EED: variants seen among roughly 807,000 people sequenced by gnomAD.
EED encodes embryonic ectoderm development, also known as polycomb protein EED.
EED carries 9 observed loss-of-function variants against 61.0 expected under a neutral mutation model. That is an observed-to-expected ratio of 0.15 (90% CI 0.09 to 0.26). EED has a LOEUF of 0.26. Among genes scored for constraint, EED ranks in the 10% least tolerant of loss-of-function variants. EED has a pLI of 1.00. For missense variants in EED, 315 were observed against 542.3 expected (o/e 0.58, Z 4.16); for synonymous variants, 187 against 174.4 (o/e 1.07, Z -0.57).
chr11:86,252,578 G>A lies in EED; in HGVS notation c.360+338G>A, dbSNP rs144905334. On this transcript the variant is annotated intron_variant, in intron 3 of 11. Transcript: ENST00000263360. The stretch of plus-strand genomic sequence containing the variant: ...TTTTGGTATTTATCATTCAAATAGC[G>A]TAAGAACTGGCTGTGATTTTTTTAA... Among the ~76,000 whole-genome samples, 1,240 of 149,400 alleles carry A rather than the reference G, an allele frequency of 8.3e-3. 10 individuals are homozygous for A. Among genetic ancestry groups the A allele is most frequent in the South Asian group, 0.015 (72 of 4,744 alleles).
chr11:86,257,465 A>T (rs546469534), intron 5 of EED, 50 bp from the exon 6 acceptor site: 3 of 1,463,828 alleles, frequency 2.0e-6, no homozygotes, highest in Admixed American at 2.1e-5. Flanking sequence ...ATGAAAAAAA[A>T]TTTACTGATT....
At chr11:86,261,946 T>C (rs917837732) in intron 6 of EED, among the ~76,000 whole-genome samples, 1 of 152,228 alleles carries the variant, frequency 6.6e-6, no homozygotes, top group Non-Finnish European at 1.5e-5. Context: ...CATTATCCCA[T>C]TGTCTTGGTG....
intron 10 of EED, 65 bp downstream of exon 10, chr11:86,277,203 T>C: frequency 1.4e-6 from 2 of 1,429,958 alleles, no homozygotes; most frequent in Non-Finnish European, 1.9e-6. Context: ...ATTCTAGCTT[T>C]TTCTGTTGTG....
At chr11:86,263,518 ATTTCT>A (rs1182215376) in intron 6 of EED, among the ~76,000 whole-genome samples, 1 of 152,126 alleles carries the variant, frequency 6.6e-6, no homozygotes, top group African/African-American at 2.4e-5. Flanking sequence ...GGATTAATTA[ATTTCT>A]TTTCTATTGC....
In EED at chr11:86,277,812, G is replaced by A. The variant is rs1946267230; in HGVS notation, c.1126-106G>A. 5.3e-5 allele frequency: 58 copies of A among 1,101,982 alleles called. No individual in the cohort carries two copies. In the South Asian group the frequency reaches 1.2e-3, roughly 23 times the overall value. The allele number at this position is 1,101,982 out of a possible 1,614,324, so 68.3% of individuals were successfully genotyped here. On this transcript the variant is annotated intron_variant, in intron 10 of 11. Transcript: ENST00000263360. ...AGAAATAGCCAAGAGCACAGAGGCT[G>A]GAACTGAGCTTTTTCTGAAACAAGA...
Position 86,277,927 on chromosome 11 carries a change from T to C in EED, c.1135T>C (p.Leu379=). ...AAATATGTTTATACAGATGCTTGCA[T>C]TGGGCAATCAAGTTGGCAAACTTTA... ...SMDFWQKMLA[L]GNQVGKLYVW... is the part of the protein sequence containing the mutation. The change falls in exon 11 of 12, where the codon TTG becomes CTG. Residue 379 remains leucine (L), a synonymous_variant. Transcript: ENST00000263360. 3.2e-6 allele frequency: 5 copies of C among 1,546,204 alleles called. No individual in the cohort carries two copies. The highest frequency in any genetic ancestry group is 1.3e-5 in the South Asian group (1 of 78,044).
chr11:86,273,201 G>A (rs953962973), intron 9 of EED, among the ~76,000 whole-genome samples: 3 of 152,228 alleles, frequency 2.0e-5, no homozygotes, highest in Admixed American at 2.0e-4. Context: ...TTTCTTTAAT[G>A]TGTGGAGGTG....
At chr11:86,286,481 T>G in the EED span, among the ~76,000 whole-genome samples, 1 of 152,294 alleles carries the variant, frequency 6.6e-6, no homozygotes, top group East Asian at 1.9e-4. Context: ...ACTTTAAAAT[T>G]ATCTTTAAGC....
downstream of EED, among the ~76,000 whole-genome samples, chr11:86,280,783 T>C (rs1051929235): frequency 2.6e-5 from 4 of 152,240 alleles, no homozygotes; most frequent in Non-Finnish European, 4.4e-5. Flanking sequence ...CACTAATGAG[T>C]ATGATGTTAG....
In EED at chr11:86,245,143, G is replaced by C; in HGVS notation, c.-87G>C. On this transcript the variant is annotated 5_prime_UTR_variant, in exon 1 of 12. Transcript: ENST00000263360. ...AGGTGGCGGCGGCAGCGGCAACTTT[G>C]CGGCAAGCTCGGGCCGGGCTTGCTT... 9.0e-7 allele frequency: 1 copy of C among 1,107,274 alleles called. No individual in the cohort carries two copies. The allele number at this position is 1,107,274 out of a possible 1,614,324, so 68.6% of individuals were successfully genotyped here.
At chr11:86,258,382 A>G (rs1945729978) in intron 6 of EED, among the ~76,000 whole-genome samples, 1 of 152,158 alleles carries the variant, frequency 6.6e-6, no homozygotes, top group South Asian at 2.1e-4. Flanking sequence ...TATTCCCATA[A>G]AGGGAAAGCA....
intron 3 of EED, among the ~76,000 whole-genome samples, chr11:86,254,272 A>G (rs187045907): frequency 2.8e-4 from 42 of 151,314 alleles, no homozygotes; most frequent in African/African-American, 9.9e-4. Flanking sequence ...ATATGTAAAT[A>G]CTCCAAAACT....
downstream of EED, among the ~76,000 whole-genome samples, chr11:86,282,793 A>AG (rs1487620402): frequency 6.6e-6 from 1 of 152,192 alleles, no homozygotes; most frequent in Non-Finnish European, 1.5e-5. Flanking sequence ...AAGCAGCCGT[A>AG]GACAACTGGG....
At chr11:86,279,967 A>G (rs1171889079), downstream of EED, among the ~76,000 whole-genome samples, 2 of 152,362 alleles carry the variant, frequency 1.3e-5, no homozygotes, top group East Asian at 3.9e-4. Flanking sequence ...GAGATTGCCT[A>G]GGTTCTTGTT....
At chr11:86,261,221 G>A (rs895814530) in intron 6 of EED, among the ~76,000 whole-genome samples, 1 of 152,194 alleles carries the variant, frequency 6.6e-6, no homozygotes, top group Non-Finnish European at 1.5e-5. Flanking sequence ...ATAAGCATAG[G>A]ATAGACAGTC....
chr11:86,286,971 C>CAAAAAAA, the EED span, among the ~76,000 whole-genome samples: 100 of 67,918 alleles, frequency 1.5e-3, no homozygotes, highest in South Asian at 4.6e-3. Flanking sequence ...GACTCCGTCT[C>CAAAAAAA]AAAAAAAAAA....
Position 86,268,580 on chromosome 11 carries a change from A to C in EED, c.966+19A>C, listed in dbSNP as rs201522182. 4.6e-4 allele frequency: 665 copies of C among 1,449,942 alleles called. No individual in the cohort carries two copies. Among genetic ancestry groups the C allele is most frequent in the Non-Finnish European group, 6.3e-4 (652 of 1,038,406 alleles). The allele number at this position is 1,449,942 out of a possible 1,614,324, so 89.8% of individuals were successfully genotyped here. ...TTCTAAGGTATGGTAACTGCAGTTA[A>C]GCTGTACTTCCATCGTGTGTGTGTG... On this transcript the variant is annotated intron_variant, in intron 9 of 11. Coordinates refer to ENST00000263360, the MANE Select transcript of EED (RefSeq NM_003797.5).
chr11:86,281,684 A>C (rs1055907146), downstream of EED, among the ~76,000 whole-genome samples: 3 of 152,132 alleles, frequency 2.0e-5, no homozygotes, highest in Non-Finnish European at 2.9e-5. Flanking sequence ...TATGTTGTTC[A>C]GGCTTAGAGT....
At chr11:86,276,264 T>TA (rs1237321341) in intron 9 of EED, 5 of 152,344 alleles carry the variant, frequency 3.3e-5, no homozygotes, top group Admixed American at 1.3e-4. Flanking sequence ...CTTTACCACT[T>TA]ACTGCTTAGG....
Sources: allele counts gnomAD v4.1 joint callset (sites outside exome capture counted in the v4.1 genomes callset), GRCh38; gene constraint gnomAD v4.1.1; transcripts MANE v1.5; gene names NCBI Gene and HGNC (gene_info 2026-07-23, HGNC 2026-07-21).